ANXA2: variants seen among roughly 807,000 people sequenced by gnomAD.
ANXA2 encodes the protein annexin II.
Under a neutral mutation model 47.3 loss-of-function variants are expected in ANXA2, and 28 were observed. The observed-to-expected ratio is 0.59, with a 90% CI of 0.44 to 0.81. The LOEUF (loss-of-function observed/expected upper bound fraction) is 0.81, where lower values mean the gene tolerates loss of function less well. ANXA2 is among the 40% of genes least tolerant of loss of function. ANXA2 has a pLI of 0.00. For missense variants in ANXA2, 384 were observed against 414.3 expected (o/e 0.93, Z 0.64); for synonymous variants, 172 against 155.5 (o/e 1.11, Z -0.79).
chr15:60,396,693 G>A (rs565886719), intron 1 of ANXA2, among the ~76,000 whole-genome samples: 1 of 152,332 alleles, frequency 6.6e-6, no homozygotes, highest in African/African-American at 2.4e-5. Flanking sequence ...GTTTCAGTGG[G>A]AAAGTGCATT....
At chr15:60,392,064 A>G (rs2063019038) in intron 1 of ANXA2, among the ~76,000 whole-genome samples, 1 of 152,212 alleles carries the variant, frequency 6.6e-6, no homozygotes, top group Non-Finnish European at 1.5e-5. Flanking sequence ...CTAGAGGTAC[A>G]GGGAGACTCA....
chr15:60,356,063 C>T, intron 6 of ANXA2, 65 bp from the exon 7 acceptor site: 4 of 1,241,248 alleles, frequency 3.2e-6, no homozygotes, highest in Non-Finnish European at 4.7e-6. Flanking sequence ...ACCCCAATCT[C>T]CCCATTTCCC....
At chr15:60,349,886 A>G (rs1895919407) in intron 11 of ANXA2, among the ~76,000 whole-genome samples, 1 of 85,070 alleles carries the variant, frequency 1.2e-5, no homozygotes, top group Non-Finnish European at 2.5e-5. Flanking sequence ...GCAAGGAGGC[A>G]GGAGAAGGCA....
chr15:60,349,308 A>G, intron 11 of ANXA2, 111 bp from the exon 12 acceptor site: 2 of 1,277,526 alleles, frequency 1.6e-6, no homozygotes, highest in South Asian at 2.7e-5. Context: ...AATGCTCCAA[A>G]ATCCAAAACT....
intron 8 of ANXA2, among the ~76,000 whole-genome samples, chr15:60,353,748 G>A (rs2062383029): frequency 1.3e-5 from 2 of 152,162 alleles, no homozygotes; most frequent in Admixed American, 1.3e-4. Flanking sequence ...AGACACTGTG[G>A]CTTCCTCTTT....
At chr15:60,349,829 G>A (rs1895910702) in intron 11 of ANXA2, among the ~76,000 whole-genome samples, 1 of 136,372 alleles carries the variant, frequency 7.3e-6, no homozygotes, top group Admixed American at 7.3e-5. Context: ...GGAAAGGGAG[G>A]GAGGGGAAGG....
At position 60,355,982 on chromosome 15, in the gene ANXA2, C is replaced by T. The variant is rs1157457308; in HGVS notation, c.465G>A (p.Leu155=). The T allele has an allele frequency of 6.2e-7, 1 of 1,613,876 alleles. No individual in the cohort carries two copies. The highest frequency in any genetic ancestry group is 1.1e-5 in the South Asian group (1 of 91,076). Residue 155 remains leucine (L), a synonymous_variant, in exon 7 of 13, where the codon CTG becomes CTA. Coordinates refer to ENST00000451270, the MANE Select transcript of ANXA2 (RefSeq NM_004039.3). ...RVYKEMYKTD[L]EKDIISDTSG... Reference sequence around the variant, plus strand: ...ATGTGTCCGAAATAATGTCCTTCTCCAGATCAGTCTTGTACACTTGGAGGA... The same window carrying T: ...ATGTGTCCGAAATAATGTCCTTCTCTAGATCAGTCTTGTACACTTGGAGGA...
chr15:60,369,275 C>G (rs1291983470), intron 3 of ANXA2, among the ~76,000 whole-genome samples: 2 of 152,226 alleles, frequency 1.3e-5, no homozygotes, highest in Non-Finnish European at 2.9e-5. Flanking sequence ...CATGCCTACC[C>G]ACACATGCGT....
At chr15:60,368,794 A>G (rs2062674356) in intron 3 of ANXA2, among the ~76,000 whole-genome samples, 1 of 152,210 alleles carries the variant, frequency 6.6e-6, no homozygotes, top group Non-Finnish European at 1.5e-5. Flanking sequence ...GCAGGCAGTC[A>G]TTGCTCCAGA....
intron 1 of ANXA2, among the ~76,000 whole-genome samples, chr15:60,389,795 G>C (rs1371206824): frequency 6.6e-6 from 1 of 152,118 alleles, no homozygotes; most frequent in Non-Finnish European, 1.5e-5. Flanking sequence ...CAGTTGACTA[G>C]GGCCAAAATG....
intron 3 of ANXA2, among the ~76,000 whole-genome samples, chr15:60,365,826 G>GTCTCCCTCTCCC (rs200989736): frequency 2.9e-5 from 3 of 104,534 alleles, no homozygotes; most frequent in Admixed American, 2.0e-4. Flanking sequence ...TTGCTGCTGA[G>GTCTCCCTCTCCC]TCTCCCTCTC....
chr15:60,351,493 C>T, intron 10 of ANXA2: 1 of 615,458 alleles, frequency 1.6e-6, no homozygotes, highest in Non-Finnish European at 2.9e-6. Flanking sequence ...GTTTCCACAA[C>T]ACACCCCTCT....
chr15:60,358,453 T>C (rs1383864604), intron 5 of ANXA2, among the ~76,000 whole-genome samples: 1 of 152,242 alleles, frequency 6.6e-6, no homozygotes, highest in African/African-American at 2.4e-5. Flanking sequence ...AAATCAATTA[T>C]AAGGTGTTAA....
chr15:60,352,407 G>A lies in ANXA2; in HGVS notation c.658C>T (p.Arg220Trp), dbSNP rs770772924. 9.3e-6 allele frequency: 15 copies of A among 1,613,408 alleles called. No individual in the cohort carries two copies. The highest frequency in any genetic ancestry group is 5.0e-5 in the Admixed American group (3 of 59,976). The change falls in exon 9 of 13, where the codon CGG becomes TGG. Residue 220 changes from arginine (R) to tryptophan (W), a missense_variant. Transcript: ENST00000451270. The surrounding 1 kb of genome is among the most constrained non-coding windows in gnomAD (Gnocchi z 4.2). ...VPKWISIMTE[R>W]SVPHLQKVFD... ...CCTTTCTGGAGGTGGGGCACGCTCC[G>A]CTCGGTCATGATGCTGATCCACTTG...
intron 3 of ANXA2, among the ~76,000 whole-genome samples, chr15:60,366,372 CCCCG>C (rs2062602915): frequency 6.7e-6 from 1 of 150,202 alleles, no homozygotes; most frequent in African/African-American, 2.5e-5. Flanking sequence ...AGCGCCTCTT[CCCCG>C]CCGCCATCCC....
Position 60,361,065 on chromosome 15 carries a change from A to G in ANXA2, c.244-11T>C. 6.5e-7 allele frequency: 1 copy of G among 1,536,914 alleles called. No homozygotes were observed. On this transcript the variant is annotated splice_polypyrimidine_tract_variant and intron_variant, in intron 4 of 12. Coordinates refer to ENST00000451270, the MANE Select transcript of ANXA2 (RefSeq NM_004039.3). ...TGCTGATGCAAGTTCCTTCAAGATAACAGGCAATCATAAGGAAAATATTTA... is the reference window on the plus strand; with the variant it reads ...TGCTGATGCAAGTTCCTTCAAGATAGCAGGCAATCATAAGGAAAATATTTA...
chr15:60,358,272 T>C (rs1595669857), intron 5 of ANXA2, among the ~76,000 whole-genome samples: 1 of 152,230 alleles, frequency 6.6e-6, no homozygotes, highest in African/African-American at 2.4e-5. Context: ...AAATTTAATA[T>C]ATACACTTTT....
chr15:60,351,460 G>C, intron 10 of ANXA2: 1 of 626,118 alleles, frequency 1.6e-6, no homozygotes, highest in East Asian at 2.7e-5. Flanking sequence ...TCTGAGGCCT[G>C]CAGAACCCAA....
rs779259657 is a variant in ANXA2 at position 60,347,721 on chromosome 15, G to A, written c.961-32C>T. 1.9e-6 allele frequency: 3 copies of A among 1,606,976 alleles called. No homozygotes were observed. In the South Asian group the frequency reaches 3.3e-5, roughly 18 times the overall value. On this transcript the variant is annotated intron_variant, in intron 12 of 12. Coordinates refer to ENST00000451270, the MANE Select transcript of ANXA2 (RefSeq NM_004039.3). Reference sequence around the variant, plus strand: ...TGGCCCAGGAAAGAAAAGAAACGTGGTATCAGAAAAAAGCCCAGACTCCTC... The same window carrying A: ...TGGCCCAGGAAAGAAAAGAAACGTGATATCAGAAAAAAGCCCAGACTCCTC...
Sources: allele counts gnomAD v4.1 joint callset (sites outside exome capture counted in the v4.1 genomes callset), GRCh38; gene constraint gnomAD v4.1.1; non-coding constraint Gnocchi (gnomAD v3.1); transcripts MANE v1.5; gene names NCBI Gene and HGNC (gene_info 2026-07-23, HGNC 2026-07-21).